The following IGSF11 variants were observed in gnomAD, a reference collection of about 807,000 sequenced individuals.
The protein encoded by IGSF11 is immunoglobulin superfamily member 11.
IGSF11 carries 22 observed loss-of-function variants against 41.0 expected under a neutral mutation model. That is an observed-to-expected ratio of 0.54 (90% confidence interval 0.38 to 0.77). The LOEUF (loss-of-function observed/expected upper bound fraction) is 0.77. Among genes scored for constraint, IGSF11 ranks in the 30% least tolerant of loss-of-function variants. IGSF11 has a pLI of 0.00. For missense variants in IGSF11, 444 were observed against 530.8 expected (o/e 0.84, Z 1.61); for synonymous variants, 219 against 201.3 (o/e 1.09, Z -0.74).
intron 1 of IGSF11, among the ~76,000 whole-genome samples, chr3:119,132,260 T>C (rs1272265549): frequency 6.6e-6 from 1 of 150,826 alleles, no homozygotes; most frequent in Non-Finnish European, 1.5e-5. Flanking sequence ...GACTGGCAAA[T>C]TGGATAAAGA....
chr3:118,940,217 T>C (rs539140699), intron 1 of IGSF11, among the ~76,000 whole-genome samples: 5 of 152,238 alleles, frequency 3.3e-5, no homozygotes, highest in South Asian at 2.1e-4. Context: ...TTAAAAGACA[T>C]ATAGATTGAA....
intron 1 of IGSF11, among the ~76,000 whole-genome samples, chr3:119,045,690 A>G (rs1167371630): frequency 6.6e-6 from 1 of 152,090 alleles, no homozygotes; most frequent in Non-Finnish European, 1.5e-5. Flanking sequence ...CTCTGGGGGC[A>G]GGGCACAGAC....
chr3:118,986,077 T>G (rs1356288551), intron 1 of IGSF11, among the ~76,000 whole-genome samples: 1 of 152,218 alleles, frequency 6.6e-6, no homozygotes, highest in Non-Finnish European at 1.5e-5. Context: ...GTTACACTTG[T>G]TAGGCAACTT....
At chr3:119,107,771 G>A (rs1205185533), upstream of IGSF11, among the ~76,000 whole-genome samples, 2 of 152,192 alleles carry the variant, frequency 1.3e-5, no homozygotes, top group Admixed American at 6.5e-5. Flanking sequence ...TCTATAAGGT[G>A]TAAGGAAGGG....
At chr3:118,904,915 CT>C in intron 5 of IGSF11, 117 bp from the exon 6 acceptor site, 1 of 823,288 alleles carries the variant, frequency 1.2e-6, no homozygotes, top group Non-Finnish European at 1.8e-6. Flanking sequence ...ACGTATAAAA[CT>C]CTCTAAAATC....
intron 4 of IGSF11, among the ~76,000 whole-genome samples, chr3:118,908,101 A>G (rs1939836400): frequency 6.6e-6 from 1 of 152,148 alleles, no homozygotes; most frequent in Admixed American, 6.6e-5. Context: ...TAAAAATTTG[A>G]TGAGCTCACA....
upstream of IGSF11, among the ~76,000 whole-genome samples, chr3:119,107,950 T>C (rs2107514296): frequency 6.7e-6 from 1 of 149,934 alleles, no homozygotes; most frequent in African/African-American, 2.4e-5. Flanking sequence ...GATCTATATC[T>C]CTGTTTTGGT....
intron 1 of IGSF11, chr3:118,946,019 TA>T: frequency 6.6e-6 from 1 of 152,058 alleles, no homozygotes; most frequent in Non-Finnish European, 1.5e-5. Flanking sequence ...GCAGAGGGCG[TA>T]AAAAAGGATG....
Position 119,103,932 on chromosome 3 carries a change from C to T in IGSF11, c.49+1212G>A, listed in dbSNP as rs115127906. ...ATACTCCTCTTCACCCATAACTGCT[C>T]TTGGTAATGCCCCCTCATATATTGT... is the stretch of plus-strand genomic sequence containing the variant. On this transcript the variant is annotated intron_variant, in intron 1 of 6. Coordinates refer to the IGSF11 transcript ENST00000354673. 5.4e-3 allele frequency among the ~76,000 whole-genome samples: 825 copies of T among 152,266 alleles called. 8 individuals carry two copies. The highest frequency in any genetic ancestry group is 0.019 in the African/African-American group (787 of 41,552).
At chr3:119,079,532 T>G (rs1031581033) in intron 1 of IGSF11, among the ~76,000 whole-genome samples, 2 of 152,168 alleles carry the variant, frequency 1.3e-5, no homozygotes, top group African/African-American at 4.8e-5. Context: ...CCCATTACTG[T>G]GTATATACCC....
At chr3:119,128,512 T>C (rs535931448) in intron 1 of IGSF11, among the ~76,000 whole-genome samples, 1 of 152,158 alleles carries the variant, frequency 6.6e-6, no homozygotes, top group Admixed American at 6.6e-5. Context: ...AAGCATCTTA[T>C]GTGCAAAGAC....
intron 1 of IGSF11, among the ~76,000 whole-genome samples, chr3:119,083,185 T>C (rs771009230): frequency 6.9e-6 from 1 of 145,792 alleles, no homozygotes; most frequent in East Asian, 2.0e-4. Context: ...CAGGGTGGAG[T>C]GCAGTGGCAT....
chr3:119,071,392 C>A (rs74371732), intron 1 of IGSF11, among the ~76,000 whole-genome samples: 4,611 of 152,212 alleles, frequency 0.03, 215 homozygotes, highest in African/African-American at 0.1. Flanking sequence ...TTTAAGAAAG[C>A]ATTCCTTAAT....
chr3:119,120,630 C>T (rs900499542), intron 1 of IGSF11, among the ~76,000 whole-genome samples: 2 of 152,150 alleles, frequency 1.3e-5, no homozygotes, highest in Non-Finnish European at 2.9e-5. Flanking sequence ...TTACATAGCC[C>T]GTGAAAAGAT....
At position 119,045,835 on chromosome 3, in the gene IGSF11, C is replaced by A. The variant is rs567648129; in HGVS notation, c.49+59309G>T. On this transcript the variant is annotated intron_variant, in intron 1 of 6. Transcript: ENST00000354673. ...CTGCCTCCTCAAGTGGGTCCCTGAC[C>A]CCTGACCCCCGAGCAGCCTAACTGG... Among the ~76,000 whole-genome samples the A allele has an allele frequency of 1.4e-3, 213 of 151,944 alleles. 3 individuals are homozygous for A. Among genetic ancestry groups the A allele is most frequent in the East Asian group, 0.012 (64 of 5,130 alleles).
At chr3:119,023,110 A>T (rs757117711) in intron 1 of IGSF11, among the ~76,000 whole-genome samples, 1 of 152,096 alleles carries the variant, frequency 6.6e-6, no homozygotes, top group Admixed American at 6.5e-5. Flanking sequence ...AAAAATACAT[A>T]AATCAGCCAG....
chr3:118,902,335 T>C lies in IGSF11; in HGVS notation c.*185A>G, dbSNP rs2107459502. 2 of 558,242 alleles carry C rather than the reference T, an allele frequency of 3.6e-6. No homozygotes were observed. The highest frequency in any genetic ancestry group is 2.5e-5 in the South Asian group (1 of 40,112). 34.6% of individuals were successfully genotyped at this position (558,242 alleles called of 1,614,324 possible). Reference sequence around the variant, plus strand: ...TCTTTGGTGGGGAAGCAAGTCTTCATGATGGAGCATTTCAGTCCATTTTAC... The same window carrying C: ...TCTTTGGTGGGGAAGCAAGTCTTCACGATGGAGCATTTCAGTCCATTTTAC... On this transcript the variant is annotated 3_prime_UTR_variant, in exon 7 of 7. Transcript: ENST00000393775.
At chr3:118,910,465 G>A (rs1399383381) in intron 4 of IGSF11, among the ~76,000 whole-genome samples, 1 of 152,074 alleles carries the variant, frequency 6.6e-6, no homozygotes, top group Non-Finnish European at 1.5e-5. Context: ...CTCCACCCCT[G>A]TCACTAGGGA....
intron 1 of IGSF11, among the ~76,000 whole-genome samples, chr3:118,974,742 G>A (rs1343788825): frequency 6.6e-6 from 1 of 151,784 alleles, no homozygotes; most frequent in Non-Finnish European, 1.5e-5. Flanking sequence ...TCTGGTGTGA[G>A]GTTTCCACCA....
Sources: allele counts gnomAD v4.1 joint callset (sites outside exome capture counted in the v4.1 genomes callset), GRCh38; gene constraint gnomAD v4.1.1; transcripts MANE v1.5; gene names NCBI Gene and HGNC (gene_info 2026-07-23, HGNC 2026-07-21).